The following ACOT11 variants were observed in gnomAD, a reference collection of about 807,000 sequenced individuals.
The protein encoded by ACOT11 is acyl-coenzyme A thioesterase 11.
A neutral mutation model predicts 77.5 loss-of-function variants in ACOT11; 69 were observed. The ratio of observed to expected loss-of-function variants is 0.89; its 90% CI spans 0.73 to 1.09. The LOEUF is 1.09. ACOT11 is among the 50% of genes least tolerant of loss of function. The pLI, the probability that ACOT11 is intolerant of heterozygous loss-of-function variation, is 0.00. For synonymous variants in ACOT11, 279 were observed against 313.0 expected (o/e 0.89, Z 1.15); for missense variants, 766 against 813.7 (o/e 0.94, Z 0.71).
downstream of ACOT11, chr1:54,612,637 T>C: frequency 6.2e-7 from 1 of 1,614,050 alleles, no homozygotes; most frequent in Non-Finnish European, 8.5e-7. Context: ...TTTGGGGACG[T>C]GGACATGTAG....
chr1:54,628,649 A>G (rs1294730550), intron 15 of ACOT11, among the ~76,000 whole-genome samples: 1 of 119,964 alleles, frequency 8.3e-6, no homozygotes, highest in Non-Finnish European at 1.8e-5. Context: ...TGACACTGTC[A>G]TGAATTTGTA....
chr1:54,626,077 A>G (rs980299702), intron 15 of ACOT11, among the ~76,000 whole-genome samples: 5 of 150,792 alleles, frequency 3.3e-5, no homozygotes, highest in African/African-American at 1.2e-4. Context: ...CTTGGCCAAC[A>G]GAGTGAGACC....
At chr1:54,599,551 G>A (rs1643938786) in intron 8 of ACOT11, 136 bp downstream of exon 8, 1 of 1,041,188 alleles carries the variant, frequency 9.6e-7, no homozygotes, top group East Asian at 3.3e-5. Flanking sequence ...CTGGCTGATG[G>A]GTTCCTCTGA....
chr1:54,557,542 G>T (rs1022160825), intron 1 of ACOT11, among the ~76,000 whole-genome samples: 2 of 152,126 alleles, frequency 1.3e-5, no homozygotes, highest in Admixed American at 1.3e-4. Flanking sequence ...AGCCTCCTGA[G>T]TAGCTGGAAT....
At chr1:54,561,124 T>C (rs1367793945) in intron 1 of ACOT11, among the ~76,000 whole-genome samples, 1 of 149,970 alleles carries the variant, frequency 6.7e-6, no homozygotes, top group Non-Finnish European at 1.5e-5. Flanking sequence ...ATTTTTTTAT[T>C]GATAATTCTT....
chr1:54,608,733 C>G (rs1644065749), intron 15 of ACOT11, among the ~76,000 whole-genome samples: 1 of 152,186 alleles, frequency 6.6e-6, no homozygotes, highest in Admixed American at 6.5e-5. Context: ...GTGTGGGAAG[C>G]CAGGGTTGTC....
exon 17 of ACOT11, chr1:54,635,075 T>C: frequency 3.1e-6 from 1 of 323,532 alleles, no homozygotes; most frequent in Non-Finnish European, 5.6e-6. Flanking sequence ...GTATTTACCA[T>C]AATAAATCGG....
At chr1:54,597,023 A>C (rs1643895065) in intron 6 of ACOT11, among the ~76,000 whole-genome samples, 1 of 152,202 alleles carries the variant, frequency 6.6e-6, no homozygotes, top group Non-Finnish European at 1.5e-5. Context: ...TCTGGAGTGG[A>C]GCTGAGGCTC....
rs944560520 is a variant in ACOT11, at chr1:54,610,002, T to A, written c.*890T>A. 9.1e-6 allele frequency: 14 copies of A among 1,532,326 alleles called. No homozygotes were observed. The African/African-American group carries it at 1.9e-4, about 21-fold the overall frequency. 94.9% of individuals were successfully genotyped at this position (1,532,326 alleles called of 1,614,324 possible). The stretch of plus-strand genomic sequence containing the variant: ...TTGGGTTATCATAAGGTGTTAAGAG[T>A]CCCTTGTTAAAGGGGCAGTGGGAGT... On this transcript the variant is annotated 3_prime_UTR_variant, in exon 16 of 16. Coordinates refer to ENST00000343744, the MANE Select transcript of ACOT11 (RefSeq NM_147161.4).
chr1:54,588,086 C>A (rs1230580511), intron 3 of ACOT11, among the ~76,000 whole-genome samples: 3 of 151,942 alleles, frequency 2.0e-5, no homozygotes, highest in Non-Finnish European at 4.4e-5. Context: ...CGCCTGTGGT[C>A]CCAGCTACTT....
intron 15 of ACOT11, chr1:54,623,535 T>G (rs1452902864): frequency 1.5e-6 from 1 of 685,356 alleles, no homozygotes; most frequent in Non-Finnish European, 2.6e-6. Context: ...TGCAGCCCTG[T>G]AATATCCCCT....
At chr1:54,599,694 T>C in intron 8 of ACOT11, 1 of 213,282 alleles carries the variant, frequency 4.7e-6, no homozygotes, top group Non-Finnish European at 9.3e-6. Flanking sequence ...AGTGTCTCTG[T>C]CTCCCTCCTT....
chr1:54,578,966 A>G (rs1654207295), intron 1 of ACOT11, among the ~76,000 whole-genome samples: 1 of 152,214 alleles, frequency 6.6e-6, no homozygotes, highest in African/African-American at 2.4e-5. Context: ...TCATAAAAAT[A>G]TTGGTTCAAT....
At chr1:54,554,693 GT>G (rs1325184768) in intron 1 of ACOT11, among the ~76,000 whole-genome samples, 1 of 151,998 alleles carries the variant, frequency 6.6e-6, no homozygotes, top group African/African-American at 2.4e-5. Context: ...TGGACACTTA[GT>G]TGGTTCCATG....
chr1:54,638,120 C>A (rs1251105566), exon 17 of ACOT11: 1 of 151,894 alleles, frequency 6.6e-6, no homozygotes, highest in Non-Finnish European at 1.5e-5. Context: ...CTGCATCTGG[C>A]CCAAAGTAAA....
chr1:54,599,843 A>G (rs1286102357), intron 8 of ACOT11, among the ~76,000 whole-genome samples: 3 of 152,284 alleles, frequency 2.0e-5, no homozygotes, highest in Non-Finnish European at 4.4e-5. Flanking sequence ...CTTTGCAATG[A>G]ATTCTGAAAC....
intron 1 of ACOT11, among the ~76,000 whole-genome samples, chr1:54,548,963 T>A (rs1273314926): frequency 6.6e-6 from 1 of 152,104 alleles, no homozygotes; most frequent in Non-Finnish European, 1.5e-5. Flanking sequence ...CGCCTGGCAG[T>A]GGATGGAGTG....
rs551275028 is a variant in ACOT11, at chr1:54,588,618, C to T, written c.311+2714C>T. On this transcript the variant is annotated intron_variant, in intron 3 of 15. Coordinates refer to ENST00000343744, the MANE Select transcript of ACOT11 (RefSeq NM_147161.4). ...AGTCAAGGGGGGACTTCCTGGAGGA[C>T]GCATTTGAGCTGCCAGTACTGTCAG... Among the ~76,000 whole-genome samples, 21 of 152,216 alleles carry T rather than the reference C, an allele frequency of 1.4e-4. No homozygotes were observed. The East Asian group carries it at 2.9e-3, about 21-fold the overall frequency.
intron 1 of ACOT11, among the ~76,000 whole-genome samples, chr1:54,576,033 G>A (rs765980428): frequency 2.0e-5 from 3 of 152,160 alleles, no homozygotes; most frequent in South Asian, 2.1e-4. Flanking sequence ...ACAAGGAGGT[G>A]GGAGAGAACC....
Sources: gnomAD v4.1 joint callset for allele counts (sites outside exome capture counted in the v4.1 genomes callset) on GRCh38, gnomAD v4.1.1 for gene constraint, MANE v1.5 for transcripts, NCBI Gene and HGNC (gene_info 2026-07-23, HGNC 2026-07-21) for gene names.